Variants in DCUN1D3 observed in about 807,000 individuals in gnomAD.
The protein encoded by DCUN1D3 is DCN1-like protein 3.
A neutral mutation model predicts 24.8 loss-of-function variants in DCUN1D3; 6 were observed. That is an observed-to-expected ratio of 0.24 (90% CI 0.13 to 0.48). The LOEUF is 0.48. Among genes scored for constraint, DCUN1D3 ranks in the 20% least tolerant of loss-of-function variants. The probability of loss-of-function intolerance (pLI) is 0.99; values close to 1 mark genes in which losing one functional copy is unlikely to be tolerated. For missense variants in DCUN1D3, 258 were observed against 379.4 expected, an observed-to-expected ratio of 0.68 and a Z score of 2.66; for synonymous variants, 120 against 144.9, an observed-to-expected ratio of 0.83 and a Z score of 1.24.
chr16:20,878,637 T>C (rs1005140133), intron 1 of DCUN1D3, among the ~76,000 whole-genome samples: 3 of 152,236 alleles, frequency 2.0e-5, no homozygotes, highest in Non-Finnish European at 2.9e-5. Flanking sequence ...GCAGCTTTTT[T>C]GAATACTGCA....
intron 1 of DCUN1D3, among the ~76,000 whole-genome samples, chr16:20,893,236 C>T (rs773724614): frequency 4.6e-5 from 7 of 151,576 alleles, no homozygotes; most frequent in African/African-American, 1.5e-4. Flanking sequence ...TGCAGTGGTG[C>T]GATCTCAGCT....
intron 1 of DCUN1D3, among the ~76,000 whole-genome samples, chr16:20,878,796 G>C (rs1310985640): frequency 6.6e-6 from 1 of 152,160 alleles, no homozygotes; most frequent in Non-Finnish European, 1.5e-5. Context: ...ATCAAAGAGG[G>C]TAAGTGATAC....
Position 20,872,142 on chromosome 16 carries a change from A to G in DCUN1D3, c.-105-9499T>C, listed in dbSNP as rs1263578988. On this transcript the variant is annotated intron_variant, in intron 1 of 2. Coordinates refer to ENST00000324344, the MANE Select transcript of DCUN1D3 (RefSeq NM_173475.4). ...GAGGTTTACCTGATTGTAGCTGATTAGTCCTCAAAACACCCAATTACCACA... is the reference window on the plus strand; with the variant it reads ...GAGGTTTACCTGATTGTAGCTGATTGGTCCTCAAAACACCCAATTACCACA... Among the ~76,000 whole-genome samples the G allele has an allele frequency of 2.0e-5, 3 of 152,242 alleles. No individual in the cohort carries two copies. In the East Asian group the frequency reaches 5.8e-4, roughly 29 times the overall value.
At chr16:20,882,784 T>C in intron 1 of DCUN1D3, among the ~76,000 whole-genome samples, 1 of 152,236 alleles carries the variant, frequency 6.6e-6, no homozygotes, top group East Asian at 1.9e-4. Flanking sequence ...ATACATACGC[T>C]TCACTTTGAA....
chr16:20,875,360 CA>C (rs2081809636), intron 1 of DCUN1D3, among the ~76,000 whole-genome samples: 1 of 152,166 alleles, frequency 6.6e-6, no homozygotes, highest in Non-Finnish European at 1.5e-5. Flanking sequence ...TTCTCTCACT[CA>C]AAAACCAGTT....
Position 20,862,591 on chromosome 16 carries a change from C to A in DCUN1D3, c.-53G>T. ...GACCCCTCTGGATTGGATGCCCTCG[C>A]TGCCGCTGGCCCATGTACCTCAACA... is the stretch of plus-strand genomic sequence containing the variant. On this transcript the variant is annotated 5_prime_UTR_variant, in exon 2 of 3. Transcript: ENST00000324344. 6.5e-7 allele frequency: 1 copy of A among 1,545,868 alleles called. No individual in the cohort carries two copies. Among genetic ancestry groups the A allele is most frequent in the Non-Finnish European group, 8.7e-7 (1 of 1,154,182 alleles).
rs1428387761 is a variant in DCUN1D3 at position 20,859,760 on chromosome 16, T to C, written c.*126A>G. The C allele has an allele frequency of 5.4e-6, 7 of 1,287,500 alleles. No individual in the cohort carries two copies. In the African/African-American group the frequency reaches 6.0e-5, roughly 11 times the overall value. 79.8% of individuals were successfully genotyped at this position (1,287,500 alleles called of 1,614,324 possible). ...TACAGCATTTTAGAGCCCTTTCAGA[T>C]ACAAGGCAGAGAAAGGTGTAAAGTA... On this transcript the variant is annotated 3_prime_UTR_variant, in exon 3 of 3. Transcript: ENST00000324344.
chr16:20,862,792 G>A, intron 1 of DCUN1D3, 149 bp from the exon 2 acceptor site: 2 of 701,522 alleles, frequency 2.9e-6, no homozygotes, highest in Non-Finnish European at 4.3e-6. Context: ...CCCCTTCACA[G>A]GCCAGCTCCG....
chr16:20,883,322 C>T (rs574778990), intron 1 of DCUN1D3, among the ~76,000 whole-genome samples: 1 of 152,208 alleles, frequency 6.6e-6, no homozygotes, highest in East Asian at 1.9e-4. Flanking sequence ...ACCATCCTGG[C>T]TAACACGGTG....
rs138552105 is a variant in DCUN1D3 at position 20,893,908 on chromosome 16, G to A, written c.-106+6296C>T. On this transcript the variant is annotated intron_variant, in intron 1 of 2. Transcript: ENST00000324344. ...ACTGCATAGAGTTCAAACCCATCAT[G>A]AATGATAGAGAGCTAAAAGCTGTAA... 3.8e-3 allele frequency among the ~76,000 whole-genome samples: 578 copies of A among 152,312 alleles called. 3 individuals carry two copies. Among genetic ancestry groups the A allele is most frequent in the African/African-American group, 0.013 (534 of 41,562 alleles).
intron 1 of DCUN1D3, among the ~76,000 whole-genome samples, chr16:20,884,061 A>G (rs1434160848): frequency 1.3e-5 from 2 of 152,218 alleles, no homozygotes; most frequent in Non-Finnish European, 2.9e-5. Flanking sequence ...GTGCTGGAAC[A>G]TGTAAGAATG....
chr16:20,870,906 G>A (rs2081785102), intron 1 of DCUN1D3, among the ~76,000 whole-genome samples: 1 of 152,190 alleles, frequency 6.6e-6, no homozygotes, highest in African/African-American at 2.4e-5. Context: ...GCTGCCAGGG[G>A]CTGAGGCGGT....
Position 20,860,320 on chromosome 16 carries a change from C to T in DCUN1D3, c.481G>A (p.Gly161Arg), listed in dbSNP as rs202156477. Reference sequence around the variant, plus strand: ...AGGCTAGGGAACCGTGCACAGATTCCGTCAATGCTGTCTGCACTTATTGCT... The same window carrying T: ...AGGCTAGGGAACCGTGCACAGATTCTGTCAATGCTGTCTGCACTTATTGCT... ...CKAISADSID[G>R]ICARFPSLLT... Residue 161 changes from glycine to arginine, a missense_variant, in exon 3 of 3, where the codon GGA (glycine) becomes AGA (arginine). Gly to Arg is a moderately radical substitution (Grantham distance 125, BLOSUM62 -2). Transcript: ENST00000324344. The surrounding 1 kb of genome is among the most constrained non-coding windows in gnomAD (Gnocchi z 4.3). 3.1e-6 allele frequency: 5 copies of T among 1,614,130 alleles called. No homozygotes were observed. The highest frequency in any genetic ancestry group is 1.3e-5 in the African/African-American group (1 of 75,032).
At position 20,860,840 on chromosome 16, in the gene DCUN1D3, C is replaced by T. The variant is rs186075545; in HGVS notation, c.432-471G>A. On this transcript the variant is annotated intron_variant, in intron 2 of 2. Coordinates refer to ENST00000324344, the MANE Select transcript of DCUN1D3 (RefSeq NM_173475.4). The surrounding 1 kb of genome is among the most constrained non-coding windows in gnomAD (Gnocchi z 4.3). ...ACTTCTGGAGCCAAGGATTCTGAACCTGAGTAATTCTACCACCAGAGATCA... is the reference window on the plus strand; with the variant it reads ...ACTTCTGGAGCCAAGGATTCTGAACTTGAGTAATTCTACCACCAGAGATCA... Among the ~76,000 whole-genome samples, 3 of 152,276 alleles carry T rather than the reference C, an allele frequency of 2.0e-5. No individual in the cohort carries two copies. Among genetic ancestry groups the T allele is most frequent in the Admixed American group, 1.3e-4 (2 of 15,302 alleles).
intron 1 of DCUN1D3, among the ~76,000 whole-genome samples, chr16:20,876,468 A>C (rs553063453): frequency 1.8e-4 from 27 of 151,898 alleles, no homozygotes; most frequent in Non-Finnish European, 3.7e-4. Context: ...AATGGCAAGG[A>C]TGTGGAAAAA....
intron 1 of DCUN1D3, among the ~76,000 whole-genome samples, chr16:20,894,749 C>T (rs953974890): frequency 3.9e-5 from 6 of 152,336 alleles, no homozygotes; most frequent in African/African-American, 1.2e-4. Flanking sequence ...GCCACAAGAG[C>T]TAATCACCAC....
intron 1 of DCUN1D3, among the ~76,000 whole-genome samples, chr16:20,883,497 A>G (rs1354422626): frequency 6.6e-6 from 1 of 152,094 alleles, no homozygotes; most frequent in African/African-American, 2.4e-5. Context: ...TGGGTGACAG[A>G]GCGCAACTCC....
rs2081739106 is a variant in DCUN1D3 at position 20,862,545 on chromosome 16, G to A, written c.-7C>T. On this transcript the variant is annotated 5_prime_UTR_variant, in exon 2 of 3. Transcript: ENST00000324344. ...TGGTGACACACTGGCCCATGGTGCTGGTGGCCTGGCCTCTAGAGTGGACCC... is the reference window on the plus strand; with the variant it reads ...TGGTGACACACTGGCCCATGGTGCTAGTGGCCTGGCCTCTAGAGTGGACCC... The A allele has an allele frequency of 3.1e-6, 5 of 1,596,636 alleles. No individual in the cohort carries two copies. The South Asian group carries it at 4.4e-5, about 14-fold the overall frequency.
chr16:20,862,939 T>G (rs1865054724), intron 1 of DCUN1D3, among the ~76,000 whole-genome samples: 1 of 152,180 alleles, frequency 6.6e-6, no homozygotes, highest in African/African-American at 2.4e-5. Flanking sequence ...ACAGAAATAT[T>G]CCAGAGGAAA....
Sources: gnomAD v4.1 joint callset for allele counts (sites outside exome capture counted in the v4.1 genomes callset) on GRCh38, gnomAD v4.1.1 for gene constraint, Gnocchi (gnomAD v3.1) non-coding constraint, MANE v1.5 for transcripts, NCBI Gene and HGNC (gene_info 2026-07-23, HGNC 2026-07-21) for gene names.